The following PPP4R4 variants were observed in gnomAD, a reference collection of about 807,000 sequenced individuals.
PPP4R4 encodes the protein serine/threonine-protein phosphatase 4 regulatory subunit 4.
In PPP4R4, 70 loss-of-function variants were observed where a neutral mutation model predicts 121.8. The observed-to-expected ratio is 0.57, with a 90% CI of 0.47 to 0.70. The LOEUF is 0.70. Ranked by LOEUF, PPP4R4 falls within the 30% of genes least tolerant of loss-of-function variation. The pLI is 0.00. For missense variants in PPP4R4, 875 were observed against 1,033.6 expected, an observed-to-expected ratio of 0.85 and a Z score of 2.10; for synonymous variants, 348 against 355.7, an observed-to-expected ratio of 0.98 and a Z score of 0.24.
intron 2 of PPP4R4, among the ~76,000 whole-genome samples, chr14:94,178,236 A>G (rs992422645): frequency 4.6e-5 from 7 of 151,436 alleles, no homozygotes; most frequent in African/African-American, 1.7e-4. Context: ...CTTTTTTTCT[A>G]GTTTGTACTT....
At chr14:94,193,360 A>G (rs1436959872) in intron 2 of PPP4R4, among the ~76,000 whole-genome samples, 1 of 152,126 alleles carries the variant, frequency 6.6e-6, no homozygotes, top group African/African-American at 2.4e-5. Flanking sequence ...CAGGCTGCAT[A>G]ACTTTAGGCA....
At chr14:94,225,228 C>T (rs1469509642) in intron 3 of PPP4R4, among the ~76,000 whole-genome samples, 1 of 152,118 alleles carries the variant, frequency 6.6e-6, no homozygotes, top group Non-Finnish European at 1.5e-5. Flanking sequence ...CTGAACAAAA[C>T]ATAAAAATCA....
chr14:94,217,404 C>T (rs1328654123), intron 3 of PPP4R4, among the ~76,000 whole-genome samples: 1 of 152,144 alleles, frequency 6.6e-6, no homozygotes, highest in Non-Finnish European at 1.5e-5. Context: ...GACTTAACAG[C>T]CTAGCAGAGG....
At chr14:94,181,164 G>T (rs1204939268) in intron 2 of PPP4R4, among the ~76,000 whole-genome samples, 1 of 151,960 alleles carries the variant, frequency 6.6e-6, no homozygotes, top group Non-Finnish European at 1.5e-5. Flanking sequence ...TTATTGTCTT[G>T]ATTTCTGTTT....
rs149895295 is a variant in PPP4R4 at position 94,231,283 on chromosome 14, G to C, written c.484G>C (p.Glu162Gln). ...GCTGGAAACTCTTCTGTCTGTTATA[G>C]AAGTATTGCCAAAAGAAACCCTACG... ...AWLETLLSVI[E>Q]VLPKETLRHE... The change falls in exon 5 of 25, where the codon GAA becomes CAA. Residue 162 changes from glutamate (E) to glutamine (Q), a missense_variant. By Grantham distance (29) the Glu-to-Gln change is conservative. Coordinates refer to ENST00000304338, the MANE Select transcript of PPP4R4 (RefSeq NM_058237.2). 1.2e-6 allele frequency: 2 copies of C among 1,612,338 alleles called. No homozygotes were observed. The highest frequency in any genetic ancestry group is 1.7e-6 in the Non-Finnish European group (2 of 1,178,748).
At chr14:94,217,490 C>A (rs1157574823) in intron 3 of PPP4R4, among the ~76,000 whole-genome samples, 1 of 152,070 alleles carries the variant, frequency 6.6e-6, no homozygotes, top group African/African-American at 2.4e-5. Flanking sequence ...ATTTCAAAAT[C>A]AAAAATTTCT....
chr14:94,216,994 G>T (rs1036431781), intron 3 of PPP4R4, among the ~76,000 whole-genome samples: 4 of 152,240 alleles, frequency 2.6e-5, no homozygotes, highest in East Asian at 1.9e-4. Context: ...CCCTGGCAAA[G>T]GTCCCCCTCC....
intron 8 of PPP4R4, among the ~76,000 whole-genome samples, chr14:94,237,910 G>A (rs1892430424): frequency 6.6e-6 from 1 of 152,146 alleles, no homozygotes; most frequent in Non-Finnish European, 1.5e-5. Context: ...CTGAGACCAG[G>A]TAATTTATAA....
chr14:94,233,187 C>G (rs1892143695), intron 5 of PPP4R4, among the ~76,000 whole-genome samples: 1 of 152,108 alleles, frequency 6.6e-6, no homozygotes, highest in Non-Finnish European at 1.5e-5. Flanking sequence ...CCAGTATATA[C>G]ATAATGCAAT....
chr14:94,278,651 G>T lies in PPP4R4; in HGVS notation c.*8G>T. Reference sequence around the variant, plus strand: ...AGAAAATCCAATCCTTAAATCAACTGCTTGATGAAGGAGGCAAAACAAAGG... The same window carrying T: ...AGAAAATCCAATCCTTAAATCAACTTCTTGATGAAGGAGGCAAAACAAAGG... On this transcript the variant is annotated 3_prime_UTR_variant, in exon 25 of 25. Coordinates refer to ENST00000304338, the MANE Select transcript of PPP4R4 (RefSeq NM_058237.2). The T allele has an allele frequency of 6.4e-7, 1 of 1,570,142 alleles. No homozygotes were observed. Among genetic ancestry groups the T allele is most frequent in the Non-Finnish European group, 8.7e-7 (1 of 1,155,188 alleles).
chr14:94,207,689 T>C (rs760444195), intron 2 of PPP4R4, among the ~76,000 whole-genome samples: 1 of 151,630 alleles, frequency 6.6e-6, no homozygotes, highest in Non-Finnish European at 1.5e-5. Flanking sequence ...CTTTTTGATA[T>C]ATATATCTAT....
intron 2 of PPP4R4, among the ~76,000 whole-genome samples, chr14:94,186,871 G>T (rs1889313156): frequency 6.6e-6 from 1 of 152,132 alleles, no homozygotes; most frequent in South Asian, 2.1e-4. Context: ...AACTGTAATT[G>T]CAGGTTTGTC....
chr14:94,250,227 A>G lies in PPP4R4; in HGVS notation c.1667A>G (p.Tyr556Cys), dbSNP rs1893106874. ...ASRTLCIFLRYNRKQEQRHEV... is the reference protein window; with the variant it reads ...ASRTLCIFLRCNRKQEQRHEV... ...CGAACTCTATGCATTTTTCTGCGTT[A>G]TAATCGTAAACAAGAACAGAGACAT... is the stretch of plus-strand genomic sequence containing the variant. Residue 556 changes from tyrosine to cysteine, a missense_variant, in exon 15 of 25, where the codon TAT (tyrosine) becomes TGT (cysteine). Physicochemically the swap from Tyr to Cys is radical, Grantham distance 194. Transcript: ENST00000304338. 2 of 1,612,400 alleles carry G rather than the reference A, an allele frequency of 1.2e-6. No individual in the cohort carries two copies. Among genetic ancestry groups the G allele is most frequent in the South Asian group, 1.1e-5 (1 of 90,968 alleles).
At chr14:94,257,642 T>TACACACACACACACACACACACAC (rs57997995) in intron 17 of PPP4R4, among the ~76,000 whole-genome samples, 30 of 146,880 alleles carry the variant, frequency 2.0e-4, no homozygotes, top group African/African-American at 7.5e-4. Flanking sequence ...CATTTAAATC[T>TACACACACACACACACACACACAC]ACACACACAC....
In PPP4R4 at chr14:94,251,847, T is replaced by G. The variant is rs765599797; in HGVS notation, c.1816T>G (p.Phe606Val). 6.3e-7 allele frequency: 1 copy of G among 1,597,760 alleles called. No individual in the cohort carries two copies. Among genetic ancestry groups the G allele is most frequent in the Non-Finnish European group, 8.6e-7 (1 of 1,169,532 alleles). The change falls in exon 16 of 25, where the codon TTC (phenylalanine) becomes GTC (valine). Residue 606 changes from phenylalanine to valine, a missense_variant. Coordinates refer to ENST00000304338, the MANE Select transcript of PPP4R4 (RefSeq NM_058237.2). ...IFSKSFFCKY[F>V]FLPAIELTHD... The stretch of plus-strand genomic sequence containing the variant: ...TTCAAAATCATTTTTCTGTAAATAT[T>G]TCTTTCTACCTGCTATTGAACTGAC...
At chr14:94,218,102 T>C (rs1891127448) in intron 3 of PPP4R4, among the ~76,000 whole-genome samples, 1 of 152,074 alleles carries the variant, frequency 6.6e-6, no homozygotes, top group East Asian at 1.9e-4. Flanking sequence ...ATCAGTGAAC[T>C]TGAAAATAGA....
At chr14:94,274,265 A>G (rs1894512484) in intron 23 of PPP4R4, among the ~76,000 whole-genome samples, 1 of 152,172 alleles carries the variant, frequency 6.6e-6, no homozygotes, top group Admixed American at 6.5e-5. Flanking sequence ...TATCTTGACC[A>G]TAAAACAAAA....
chr14:94,217,778 T>C (rs1009750192), intron 3 of PPP4R4, among the ~76,000 whole-genome samples: 1 of 152,182 alleles, frequency 6.6e-6, no homozygotes, highest in Non-Finnish European at 1.5e-5. Context: ...GCGGATCACC[T>C]GAGGTCAGGA....
At chr14:94,259,411 T>TTAA in intron 19 of PPP4R4, 42 bp downstream of exon 19, 3 of 1,478,488 alleles carry the variant, frequency 2.0e-6, no homozygotes, top group Non-Finnish European at 2.7e-6. Flanking sequence ...TCTTTTCTGA[T>TTAA]TAATAACTGT....
Sources: allele counts gnomAD v4.1 joint callset (sites outside exome capture counted in the v4.1 genomes callset), GRCh38; gene constraint gnomAD v4.1.1; transcripts MANE v1.5; gene names NCBI Gene and HGNC (gene_info 2026-07-23, HGNC 2026-07-21).